The following RMDN1 variants were observed in gnomAD, a reference collection of about 807,000 sequenced individuals.
RMDN1 encodes regulator of microtubule dynamics protein 1.
A neutral mutation model predicts 48.9 loss-of-function variants in RMDN1; 48 were observed. The ratio of observed to expected loss-of-function variants is 0.98; its 90% CI spans 0.78 to 1.25. RMDN1 has a LOEUF of 1.25. Ranked by LOEUF, RMDN1 falls within the 50% of genes most tolerant of loss-of-function variation. The pLI, the probability that RMDN1 is intolerant of heterozygous loss-of-function variation, is 0.00. For synonymous variants in RMDN1, 148 were observed against 132.6 expected, an observed-to-expected ratio of 1.12 and a Z score of -0.80; for missense variants, 418 against 373.4, an observed-to-expected ratio of 1.12 and a Z score of -0.98.
chr8:86,472,657 ATTTT>A lies in RMDN1; in HGVS notation c.*1647_*1650del, dbSNP rs528786009. ...TTTCACTGTATCAGTGGTGTGTCAT[ATTTT>A]TTTTTTTGCCATCCTTGTTCCTGTG... On this transcript the variant is annotated 3_prime_UTR_variant, in exon 10 of 10. Coordinates refer to ENST00000406452, the MANE Select transcript of RMDN1 (RefSeq NM_016033.3). 1.2e-5 allele frequency: 5 copies of A among 433,180 alleles called. No individual in the cohort carries two copies. The highest frequency in any genetic ancestry group is 1.2e-5 in the Non-Finnish European group (3 of 241,716). 26.8% of individuals were successfully genotyped at this position (433,180 alleles called of 1,614,324 possible).
intron 2 of RMDN1, among the ~76,000 whole-genome samples, chr8:86,494,072 G>A (rs1033365005): frequency 6.6e-6 from 1 of 152,164 alleles, no homozygotes; most frequent in East Asian, 1.9e-4. Context: ...GGAATGGGGT[G>A]ATGTTGGTCA....
chr8:86,489,499 C>T (rs1274599192), intron 2 of RMDN1, among the ~76,000 whole-genome samples: 1 of 152,112 alleles, frequency 6.6e-6, no homozygotes, highest in Non-Finnish European at 1.5e-5. Flanking sequence ...TGTGTATACA[C>T]TTGGTATACT....
intron 3 of RMDN1, 57 bp from the exon 4 acceptor site, chr8:86,486,700 G>C: frequency 7.2e-7 from 1 of 1,388,112 alleles, no homozygotes. Flanking sequence ...AAATTGTTAA[G>C]GGTTACATTA....
At chr8:86,510,688 T>G (rs1031327279), upstream of RMDN1, among the ~76,000 whole-genome samples, 1 of 152,214 alleles carries the variant, frequency 6.6e-6, no homozygotes, top group Non-Finnish European at 1.5e-5. Context: ...CTATGACAGA[T>G]AATAAATGAT....
chr8:86,470,086 A>G (rs1812412295), downstream of RMDN1: 2 of 1,113,028 alleles, frequency 1.8e-6, no homozygotes, highest in Non-Finnish European at 1.2e-6. Context: ...TTAGGTTCTT[A>G]TAGAATCACG....
intron 1 of RMDN1, 151 bp downstream of exon 1, chr8:86,508,341 T>C (rs1385671945): frequency 1.3e-6 from 1 of 793,248 alleles, no homozygotes; most frequent in Admixed American, 3.5e-5. Context: ...GGAAGGGACC[T>C]GTCCGGGCGT....
intron 2 of RMDN1, among the ~76,000 whole-genome samples, chr8:86,495,362 T>C (rs1463496075): frequency 6.6e-6 from 1 of 151,892 alleles, no homozygotes; most frequent in East Asian, 1.9e-4. Context: ...TCCAAGACAT[T>C]TGAAATGGCA....
chr8:86,474,263 A>C lies in RMDN1; in HGVS notation c.*45T>G. ...ATATTAAGTTTAGAATTAAAAGAAA[A>C]GGCAATGTTTATTAGCTATTTCATA... On this transcript the variant is annotated 3_prime_UTR_variant, in exon 10 of 10. Transcript: ENST00000406452. The C allele has an allele frequency of 6.2e-7, 1 of 1,608,670 alleles. No individual in the cohort carries two copies. The highest frequency in any genetic ancestry group is 8.5e-7 in the Non-Finnish European group (1 of 1,178,026).
chr8:86,514,244 T>A, exon 1 of RMDN1: 1 of 985,030 alleles, frequency 1.0e-6, no homozygotes, highest in Non-Finnish European at 1.2e-6. Flanking sequence ...CCACTTACCT[T>A]AAAGTCAGTT....
In RMDN1 at chr8:86,506,382, T is replaced by C. The variant is rs573873915; in HGVS notation, c.247+613A>G. 2.0e-5 allele frequency among the ~76,000 whole-genome samples: 3 copies of C among 152,318 alleles called. No individual in the cohort carries two copies. The South Asian group carries it at 6.2e-4, about 32-fold the overall frequency. On this transcript the variant is annotated intron_variant, in intron 2 of 9. Coordinates refer to ENST00000406452, the MANE Select transcript of RMDN1 (RefSeq NM_016033.3). ...AGGTGTGTTGTTGCCTTTAGGGTCA[T>C]GCCATGCTTGTCTATGTCTGTTACC...
rs1812938349 is a variant in RMDN1, at chr8:86,473,973, A to G, written c.*335T>C. On this transcript the variant is annotated 3_prime_UTR_variant, in exon 10 of 10. Coordinates refer to ENST00000406452, the MANE Select transcript of RMDN1 (RefSeq NM_016033.3). ...CCATCCCCCTGTATATCCCCTATAG[A>G]TCCATTTCCCCTCCTCTACAAATAT... The G allele has an allele frequency of 9.4e-7, 1 of 1,064,308 alleles. No individual in the cohort carries two copies. The highest frequency in any genetic ancestry group is 1.1e-6 in the Non-Finnish European group (1 of 879,830). The allele number at this position is 1,064,308 out of a possible 1,614,324, so 65.9% of individuals were successfully genotyped here.
rs977159183 is a variant in RMDN1, at chr8:86,474,198, G to A, written c.*110C>T. ...TATTTTATATTTACACGGTTAAATG[G>A]TCACAACATTTAAAAAGCCGTAGAA... On this transcript the variant is annotated 3_prime_UTR_variant, in exon 10 of 10. Coordinates refer to ENST00000406452, the MANE Select transcript of RMDN1 (RefSeq NM_016033.3). 7 of 1,512,270 alleles carry A rather than the reference G, an allele frequency of 4.6e-6. No homozygotes were observed. In the African/African-American group the frequency reaches 9.8e-5, roughly 21 times the overall value. 93.7% of individuals were successfully genotyped at this position (1,512,270 alleles called of 1,614,324 possible). A position where few individuals can be genotyped will look rare whatever the true frequency, so the allele number is the denominator to read the frequency against.
intron 2 of RMDN1, among the ~76,000 whole-genome samples, chr8:86,506,243 ATTTTG>A (rs1194996991): frequency 2.0e-5 from 3 of 152,130 alleles, no homozygotes; most frequent in African/African-American, 7.2e-5. Flanking sequence ...TTAGGTGTTG[ATTTTG>A]TTTTATTTTA....
At chr8:86,468,382 T>C (rs1157471392), downstream of RMDN1, 2 of 453,226 alleles carry the variant, frequency 4.4e-6, no homozygotes, top group Non-Finnish European at 8.8e-6. Context: ...AATAGACTCC[T>C]TTTCCAAATC....
chr8:86,474,201 A>G lies in RMDN1; in HGVS notation c.*107T>C, dbSNP rs1466691140. 2.0e-6 allele frequency: 3 copies of G among 1,520,960 alleles called. No homozygotes were observed. The African/African-American group carries it at 4.2e-5, about 21-fold the overall frequency. 94.2% of individuals were successfully genotyped at this position (1,520,960 alleles called of 1,614,324 possible). A position where few individuals can be genotyped will look rare whatever the true frequency, so the allele number is the denominator to read the frequency against. The stretch of plus-strand genomic sequence containing the variant: ...TTTATATTTACACGGTTAAATGGTC[A>G]CAACATTTAAAAAGCCGTAGAACAG... On this transcript the variant is annotated 3_prime_UTR_variant, in exon 10 of 10. Transcript: ENST00000406452.
intron 2 of RMDN1, chr8:86,504,735 T>C: frequency 1.0e-6 from 1 of 1,003,952 alleles, no homozygotes; most frequent in East Asian, 2.4e-5. Flanking sequence ...CATTTCCTGG[T>C]TTATTGTGGC....
intron 2 of RMDN1, among the ~76,000 whole-genome samples, chr8:86,492,516 G>A (rs975774759): frequency 9.9e-5 from 15 of 152,128 alleles, no homozygotes; most frequent in African/African-American, 3.6e-4. Flanking sequence ...AGCCGGTCAT[G>A]GTGGCAGGTG....
At chr8:86,475,021 C>A in intron 8 of RMDN1, 68 bp from the exon 9 acceptor site, 1 of 1,380,708 alleles carries the variant, frequency 7.2e-7, no homozygotes, top group South Asian at 1.5e-5. Flanking sequence ...AGGTTTGTTT[C>A]TGAGGTCTAA....
At chr8:86,469,400 A>C (rs1359410282), downstream of RMDN1, among the ~76,000 whole-genome samples, 1 of 152,206 alleles carries the variant, frequency 6.6e-6, no homozygotes, top group African/African-American at 2.4e-5. Flanking sequence ...GATACACGAC[A>C]GAAAGCCACA....
Sources: gnomAD v4.1 joint callset for allele counts (sites outside exome capture counted in the v4.1 genomes callset) on GRCh38, gnomAD v4.1.1 for gene constraint, MANE v1.5 for transcripts, NCBI Gene and HGNC (gene_info 2026-07-23, HGNC 2026-07-21) for gene names.